The following FSD1L variants were observed in gnomAD, a reference collection of about 807,000 sequenced individuals.
FSD1L encodes FSD1-like protein.
Under a neutral mutation model 71.6 loss-of-function variants are expected in FSD1L, and 45 were observed. The ratio of observed to expected loss-of-function variants is 0.63; its 90% CI spans 0.49 to 0.81. The LOEUF (loss-of-function observed/expected upper bound fraction) is 0.81. Ranked by LOEUF, FSD1L falls within the 30% of genes least tolerant of loss-of-function variation. The probability of loss-of-function intolerance (pLI) is 0.00; values close to 1 mark genes in which losing one functional copy is unlikely to be tolerated. For missense variants in FSD1L, 561 were observed against 618.1 expected, an observed-to-expected ratio of 0.91 and a Z score of 0.98; for synonymous variants, 197 against 207.2, an observed-to-expected ratio of 0.95 and a Z score of 0.42.
In FSD1L at chr9:105,506,469, A is replaced by G. The variant is rs1015590693; in HGVS notation, c.657A>G (p.Arg219=). 3.2e-5 allele frequency: 49 copies of G among 1,551,476 alleles called. No individual in the cohort carries two copies. In the African/African-American group the frequency reaches 5.2e-4, roughly 16 times the overall value. The change falls in exon 8 of 14, where the codon AGA becomes AGG. Residue 219 remains arginine (R), a synonymous_variant. Transcript: ENST00000481272. ...ATAACTCTGTAACAGTGGCTTGGAG[A>G]ATGCCAGAAGAAGATAATAAGATTG... is the stretch of plus-strand genomic sequence containing the variant. ...VADNSVTVAW[R]MPEEDNKIDH...
chr9:105,513,734 C>T (rs561742385), intron 10 of FSD1L: 43 of 844,810 alleles, frequency 5.1e-5, no homozygotes, highest in African/African-American at 3.6e-4. Flanking sequence ...GAAGCCATTG[C>T]GGCAGCCTTC....
chr9:105,527,903 T>C (rs1835625136), intron 10 of FSD1L, among the ~76,000 whole-genome samples: 2 of 152,022 alleles, frequency 1.3e-5, no homozygotes, highest in African/African-American at 2.4e-5. Flanking sequence ...ACCCCATCTT[T>C]TCAGCCCAAA....
chr9:105,515,788 G>GTTT (rs751684787), intron 10 of FSD1L, among the ~76,000 whole-genome samples: 1 of 144,486 alleles, frequency 6.9e-6, no homozygotes, highest in African/African-American at 2.5e-5. Context: ...GCTGCAGAAG[G>GTTT]TTTTTTTTTT....
chr9:105,522,430 G>A, intron 10 of FSD1L: 1 of 1,613,718 alleles, frequency 6.2e-7, no homozygotes, highest in Admixed American at 1.7e-5. Context: ...GATCAGCCTG[G>A]CCAAGCCCCA....
At chr9:105,519,263 C>CAA (rs930346011) in intron 10 of FSD1L, among the ~76,000 whole-genome samples, 1 of 151,978 alleles carries the variant, frequency 6.6e-6, no homozygotes, top group Non-Finnish European at 1.5e-5. Flanking sequence ...GAAACTATTC[C>CAA]AAACAATAAA....
rs905493669 is a variant in FSD1L, at chr9:105,448,220, C to T, written c.-1C>T. On this transcript the variant is annotated 5_prime_UTR_variant, in exon 1 of 14. Transcript: ENST00000481272. ...GAGCCCAGTGGGCTTAGCCACTCGC[C>T]ATGGACTCCCAGAAAGTAAGCGGGG... The T allele has an allele frequency of 8.5e-6, 13 of 1,537,324 alleles. No homozygotes were observed. The East Asian group carries it at 3.3e-4, about 39-fold the overall frequency.
At chr9:105,452,985 C>T (rs953130543) in intron 1 of FSD1L, among the ~76,000 whole-genome samples, 11 of 151,184 alleles carry the variant, frequency 7.3e-5, no homozygotes, top group Middle Eastern at 3.5e-3. Context: ...GATTGACCCG[C>T]CTTGGCCTCC....
intron 10 of FSD1L, chr9:105,526,484 A>C: frequency 6.2e-7 from 1 of 1,612,388 alleles, no homozygotes; most frequent in Non-Finnish European, 8.5e-7. Context: ...CAAAAGCCGC[A>C]TGTCCATGAA....
At chr9:105,488,095 G>A (rs1832673523) in intron 7 of FSD1L, among the ~76,000 whole-genome samples, 1 of 152,092 alleles carries the variant, frequency 6.6e-6, no homozygotes, top group South Asian at 2.1e-4. Context: ...ATGGGTTTGG[G>A]CAGATGTATA....
At chr9:105,466,020 A>C (rs1356133082) in intron 3 of FSD1L, among the ~76,000 whole-genome samples, 4 of 152,128 alleles carry the variant, frequency 2.6e-5, no homozygotes, top group African/African-American at 9.7e-5. Flanking sequence ...ACTCTACCAA[A>C]AAACTGTTAG....
At chr9:105,500,425 G>C (rs1833694055) in intron 7 of FSD1L, among the ~76,000 whole-genome samples, 1 of 152,246 alleles carries the variant, frequency 6.6e-6, no homozygotes, top group South Asian at 2.1e-4. Context: ...GGCTGGAGTG[G>C]GCTGGGGTTG....
chr9:105,478,532 A>G (rs1183744223), intron 5 of FSD1L, among the ~76,000 whole-genome samples: 1 of 152,174 alleles, frequency 6.6e-6, no homozygotes, highest in Non-Finnish European at 1.5e-5. Flanking sequence ...GTTACTGTGG[A>G]GAAAAAAACT....
At chr9:105,523,861 G>A in intron 10 of FSD1L, 1 of 1,596,322 alleles carries the variant, frequency 6.3e-7, no homozygotes, top group Non-Finnish European at 8.6e-7. Flanking sequence ...TTTTCACTTG[G>A]TTTGCCTGGT....
intron 7 of FSD1L, among the ~76,000 whole-genome samples, chr9:105,505,211 T>G (rs1310362732): frequency 1.3e-5 from 2 of 152,246 alleles, no homozygotes; most frequent in Non-Finnish European, 2.9e-5. Flanking sequence ...AACCCTTCTG[T>G]GATCACTTGT....
intron 7 of FSD1L, among the ~76,000 whole-genome samples, chr9:105,501,949 A>G (rs769652706): frequency 7.2e-5 from 11 of 151,972 alleles, no homozygotes; most frequent in Non-Finnish European, 1.2e-4. Context: ...TAGATCACTC[A>G]TTTCCACCTG....
chr9:105,476,074 T>C lies in FSD1L; in HGVS notation c.442-3280T>C, dbSNP rs568352533. ...TGCTTGATAAATTCACAGAAGAAAA[T>C]AGTTTCTATATTCACCCATTACAGA... On this transcript the variant is annotated intron_variant, in intron 5 of 13. Transcript: ENST00000481272. Among the ~76,000 whole-genome samples, 109 of 152,106 alleles carry C rather than the reference T, an allele frequency of 7.2e-4. 1 individual carries two copies. Among genetic ancestry groups the C allele is most frequent in the African/African-American group, 2.6e-3 (108 of 41,516 alleles).
Position 105,471,968 on chromosome 9 carries a change from G to T in FSD1L, c.404G>T (p.Arg135Met). The part of the protein sequence containing the change: ...NSEELLEFAT[R>M]SLDIKEPEEF... ...GAAGAACTATTAGAATTTGCAACAA[G>T]GTCATTAGATATAAAGGAACCTGAA... The change falls in exon 5 of 14, where the codon AGG becomes ATG. Residue 135 changes from arginine (R) to methionine (M), a missense_variant. Coordinates refer to ENST00000481272, the MANE Select transcript of FSD1L (RefSeq NM_001145313.3). 6.9e-7 allele frequency: 1 copy of T among 1,438,978 alleles called. No individual in the cohort carries two copies. The highest frequency in any genetic ancestry group is 9.1e-7 in the Non-Finnish European group (1 of 1,098,358). The allele number at this position is 1,438,978 out of a possible 1,614,324, so 89.1% of individuals were successfully genotyped here.
rs564145669 is a variant in FSD1L at position 105,449,341 on chromosome 9, T to C, written c.15+1106T>C. On this transcript the variant is annotated intron_variant, in intron 1 of 13. Transcript: ENST00000481272. ...TGAAACTCACCTTGGAATGCATGAC[T>C]ATTCTTAAGGCATTTTTTAAAAATT... Among the ~76,000 whole-genome samples the C allele has an allele frequency of 2.6e-5, 4 of 152,376 alleles. No individual in the cohort carries two copies. In the South Asian group the frequency reaches 8.3e-4, roughly 32 times the overall value.
intron 10 of FSD1L, chr9:105,530,587 C>T: frequency 1.4e-6 from 1 of 691,374 alleles, no homozygotes; most frequent in East Asian, 2.7e-5. Context: ...TGAAATTTTT[C>T]TCTTTATTTG....
Sources: gnomAD v4.1 joint callset for allele counts (sites outside exome capture counted in the v4.1 genomes callset) on GRCh38, gnomAD v4.1.1 for gene constraint, MANE v1.5 for transcripts, NCBI Gene and HGNC (gene_info 2026-07-23, HGNC 2026-07-21) for gene names.